The following FHIT variants were observed in gnomAD, a reference collection of about 807,000 sequenced individuals.
FHIT encodes fragile histidine triad diadenosine triphosphatase, also known as bis(5'-adenosyl)-triphosphatase.
FHIT carries 19 observed loss-of-function variants against 17.9 expected under a neutral mutation model. The ratio of observed to expected loss-of-function variants is 1.06; its 90% CI spans 0.74 to 1.56. The LOEUF (loss-of-function observed/expected upper bound fraction) is 1.56, where lower values mean the gene tolerates loss of function less well. Among genes scored for constraint, FHIT ranks in the 40% most tolerant of loss-of-function variants. FHIT has a pLI of 0.00. For synonymous variants in FHIT, 81 were observed against 69.7 expected, an observed-to-expected ratio of 1.16 and a Z score of -0.81; for missense variants, 248 against 189.2, an observed-to-expected ratio of 1.31 and a Z score of -1.82.
At chr3:60,738,723 G>A (rs1388601903) in intron 4 of FHIT, among the ~76,000 whole-genome samples, 1 of 152,152 alleles carries the variant, frequency 6.6e-6, no homozygotes, top group Non-Finnish European at 1.5e-5. Flanking sequence ...ATGAATGAAT[G>A]AGAGAATAAG....
intron 3 of FHIT, among the ~76,000 whole-genome samples, chr3:61,037,858 AG>A (rs2033333161): frequency 6.6e-6 from 1 of 152,218 alleles, no homozygotes; most frequent in African/African-American, 2.4e-5. Flanking sequence ...ATTCATTATA[AG>A]TTACCCAGTC....
intron 5 of FHIT, among the ~76,000 whole-genome samples, chr3:60,027,841 G>A (rs1462975345): frequency 6.6e-6 from 1 of 152,094 alleles, no homozygotes; most frequent in African/African-American, 2.4e-5. Context: ...GAGCAGTGCT[G>A]TCTAGTGGAA....
intron 5 of FHIT, among the ~76,000 whole-genome samples, chr3:60,451,915 G>C (rs1400113488): frequency 1.3e-5 from 2 of 152,046 alleles, no homozygotes; most frequent in Non-Finnish European, 2.9e-5. Flanking sequence ...GCCCACATGG[G>C]ACCCTGAGGC....
chr3:59,938,167 A>G (rs946298638), intron 7 of FHIT, among the ~76,000 whole-genome samples: 2 of 152,184 alleles, frequency 1.3e-5, no homozygotes, highest in Admixed American at 6.5e-5. Flanking sequence ...CCATCAAAGG[A>G]CAAACAGATT....
chr3:60,457,477 C>A (rs2032177717), intron 5 of FHIT, among the ~76,000 whole-genome samples: 1 of 151,744 alleles, frequency 6.6e-6, no homozygotes. Flanking sequence ...CCATAAAAAC[C>A]CTAGAAGAAA....
intron 4 of FHIT, among the ~76,000 whole-genome samples, chr3:60,601,191 T>A (rs1576951374): frequency 1.3e-5 from 2 of 152,168 alleles, no homozygotes; most frequent in South Asian, 4.1e-4. Context: ...ACAGCAGGGA[T>A]CAGGTCGCCC....
At chr3:60,492,663 T>C (rs1349135344) in intron 5 of FHIT, among the ~76,000 whole-genome samples, 2 of 152,026 alleles carry the variant, frequency 1.3e-5, no homozygotes, top group African/African-American at 4.8e-5. Context: ...CCCACCATCA[T>C]GCCTGGCTAA....
intron 3 of FHIT, among the ~76,000 whole-genome samples, chr3:61,000,290 T>C (rs1208622644): frequency 1.3e-5 from 2 of 152,214 alleles, no homozygotes; most frequent in African/African-American, 2.4e-5. Flanking sequence ...ACAGAGTCCA[T>C]GCGACACTTC....
chr3:60,690,326 C>A, intron 4 of FHIT: 1 of 567,054 alleles, frequency 1.8e-6, no homozygotes. Context: ...CCTTCTTTCA[C>A]CCTGCCAAAG....
intron 8 of FHIT, among the ~76,000 whole-genome samples, chr3:59,765,112 T>C (rs927882551): frequency 2.0e-5 from 3 of 152,188 alleles, no homozygotes; most frequent in Non-Finnish European, 4.4e-5. Flanking sequence ...AGCTGAAATA[T>C]TATAGAGAGT....
chr3:60,525,439 A>C lies in FHIT; in HGVS notation c.103+11421T>G, dbSNP rs191054775. Among the ~76,000 whole-genome samples the C allele has an allele frequency of 3.7e-3, 556 of 152,112 alleles. 3 individuals carry two copies. Among genetic ancestry groups the C allele is most frequent in the African/African-American group, 0.013 (537 of 41,488 alleles). The stretch of plus-strand genomic sequence containing the variant: ...CTACCTAATGTGGTATTGACTGACA[A>C]CCCCTTTTTTTTAAGATTTATGTCA... On this transcript the variant is annotated intron_variant, in intron 5 of 9. Coordinates refer to ENST00000492590, the MANE Select transcript of FHIT (RefSeq NM_002012.4).
intron 1 of FHIT, among the ~76,000 whole-genome samples, chr3:61,205,306 G>A (rs1255585893): frequency 1.3e-5 from 2 of 152,104 alleles, no homozygotes; most frequent in African/African-American, 4.8e-5. Flanking sequence ...CTTTATAGCA[G>A]CATGATTTAT....
chr3:60,911,244 G>C (rs1553765787), intron 3 of FHIT, among the ~76,000 whole-genome samples: 2 of 151,914 alleles, frequency 1.3e-5, no homozygotes, highest in Non-Finnish European at 2.9e-5. Flanking sequence ...GATTAAGTTG[G>C]CACCACAAAA....
At chr3:60,406,876 A>G (rs1452919738) in intron 5 of FHIT, among the ~76,000 whole-genome samples, 1 of 152,124 alleles carries the variant, frequency 6.6e-6, no homozygotes, top group African/African-American at 2.4e-5. Flanking sequence ...TAAATTCTGA[A>G]TCTTGACTAA....
At chr3:60,399,709 A>G (rs1701587432) in intron 5 of FHIT, among the ~76,000 whole-genome samples, 1 of 152,160 alleles carries the variant, frequency 6.6e-6, no homozygotes. Context: ...TAATAAACAA[A>G]AATACAAAGT....
At position 60,824,220 on chromosome 3, in the gene FHIT, T is replaced by G. The variant is rs72886231; in HGVS notation, c.-110-2209A>C. On this transcript the variant is annotated intron_variant, in intron 3 of 9. Transcript: ENST00000492590. ...CTGCAGTTATCCTGGTGAATAAAGG[T>G]GCTAGCCAGGTAGCACACAGGAGAG... 8.9e-3 allele frequency among the ~76,000 whole-genome samples: 1,354 copies of G among 152,266 alleles called. 25 individuals are homozygous for G. Among genetic ancestry groups the G allele is most frequent in the African/African-American group, 0.03 (1,243 of 41,546 alleles).
intron 5 of FHIT, among the ~76,000 whole-genome samples, chr3:60,177,521 G>C (rs1339678704): frequency 6.6e-6 from 1 of 152,162 alleles, no homozygotes; most frequent in Non-Finnish European, 1.5e-5. Context: ...CATAGAAGTA[G>C]GTCAAAACAG....
At chr3:60,894,917 A>T (rs926558308) in intron 3 of FHIT, among the ~76,000 whole-genome samples, 2 of 152,174 alleles carry the variant, frequency 1.3e-5, no homozygotes, top group Non-Finnish European at 2.9e-5. Context: ...TGAACATTAA[A>T]AGCTTCTAGG....
chr3:61,113,127 C>G (rs902379605), intron 2 of FHIT, among the ~76,000 whole-genome samples: 5 of 151,976 alleles, frequency 3.3e-5, no homozygotes, highest in African/African-American at 1.2e-4. Context: ...TCTCAGCACC[C>G]CAAGTAACTG....
Sources: allele counts gnomAD v4.1 joint callset (sites outside exome capture counted in the v4.1 genomes callset), GRCh38; gene constraint gnomAD v4.1.1; transcripts MANE v1.5; gene names NCBI Gene and HGNC (gene_info 2026-07-23, HGNC 2026-07-21).